Variants in GALNT13 observed in about 807,000 individuals in gnomAD.
The protein encoded by GALNT13 is polypeptide N-acetylgalactosaminyltransferase 13.
Under a neutral mutation model 64.2 loss-of-function variants are expected in GALNT13, and 28 were observed. That is an observed-to-expected ratio of 0.44 (90% CI 0.32 to 0.60). The LOEUF (loss-of-function observed/expected upper bound fraction) is 0.60. Among genes scored for constraint, GALNT13 ranks in the 20% least tolerant of loss-of-function variants. The pLI, the probability that GALNT13 is intolerant of heterozygous loss-of-function variation, is 0.05. For synonymous variants in GALNT13, 214 were observed against 224.6 expected, an observed-to-expected ratio of 0.95 and a Z score of 0.42; for missense variants, 577 against 669.8, an observed-to-expected ratio of 0.86 and a Z score of 1.53.
the GALNT13 span, among the ~76,000 whole-genome samples, chr2:153,106,656 C>A: frequency 1.3e-5 from 2 of 151,930 alleles, no homozygotes; most frequent in African/African-American, 4.8e-5. Flanking sequence ...TGATGTATGC[C>A]CAAATATTTG....
At chr2:153,940,766 C>T (rs1691287150) in intron 2 of GALNT13, among the ~76,000 whole-genome samples, 1 of 152,114 alleles carries the variant, frequency 6.6e-6, no homozygotes, top group Non-Finnish European at 1.5e-5. Flanking sequence ...GGAAGCATTA[C>T]CAGCAGCCTT....
At chr2:153,509,829 A>G in the GALNT13 span, among the ~76,000 whole-genome samples, 1 of 152,238 alleles carries the variant, frequency 6.6e-6, no homozygotes, top group Non-Finnish European at 1.5e-5. Context: ...AGGGGATTAT[A>G]AAGTTTTTCA....
chr2:153,179,308 A>G, the GALNT13 span, among the ~76,000 whole-genome samples: 1 of 152,186 alleles, frequency 6.6e-6, no homozygotes, highest in African/African-American at 2.4e-5. Flanking sequence ...TCACAACATA[A>G]AAGGCACATT....
At chr2:153,486,727 A>T in the GALNT13 span, among the ~76,000 whole-genome samples, 1 of 152,156 alleles carries the variant, frequency 6.6e-6, no homozygotes, top group African/African-American at 2.4e-5. Context: ...GATACATCAT[A>T]GACCTATAGC....
At chr2:154,306,351 C>T (rs1693731778) in intron 9 of GALNT13, among the ~76,000 whole-genome samples, 1 of 151,904 alleles carries the variant, frequency 6.6e-6, no homozygotes, top group African/African-American at 2.4e-5. Flanking sequence ...CTCCCTATGT[C>T]CATGTGTTCT....
chr2:154,109,852 G>T (rs1702835202), intron 3 of GALNT13, among the ~76,000 whole-genome samples: 1 of 151,962 alleles, frequency 6.6e-6, no homozygotes, highest in African/African-American at 2.4e-5. Context: ...TTAGTAAGTT[G>T]TTGATTTGGT....
intron 3 of GALNT13, among the ~76,000 whole-genome samples, chr2:154,049,435 C>T (rs911839995): frequency 1.4e-5 from 2 of 141,954 alleles, no homozygotes; most frequent in African/African-American, 5.1e-5. Context: ...GGTATATATA[C>T]TATTCATTGT....
At chr2:153,401,599 T>C in the GALNT13 span, among the ~76,000 whole-genome samples, 1 of 151,234 alleles carries the variant, frequency 6.6e-6, no homozygotes, top group Non-Finnish European at 1.5e-5. Context: ...GCTTTATGAA[T>C]CTGGGTGCCC....
chr2:153,158,770 T>A, the GALNT13 span, among the ~76,000 whole-genome samples: 2 of 152,222 alleles, frequency 1.3e-5, no homozygotes, highest in African/African-American at 4.8e-5. Flanking sequence ...CAGGCCAAGG[T>A]AGCATTTGAA....
At chr2:153,197,925 G>A in the GALNT13 span, among the ~76,000 whole-genome samples, 368 of 152,296 alleles carry the variant, frequency 2.4e-3, 3 homozygotes, top group African/African-American at 8.6e-3. Flanking sequence ...GGGGTTTCAG[G>A]CTCTTCGGAG....
chr2:153,392,292 T>G, the GALNT13 span, among the ~76,000 whole-genome samples: 1 of 151,570 alleles, frequency 6.6e-6, no homozygotes, highest in Non-Finnish European at 1.5e-5. Flanking sequence ...GTGCTTAAAT[T>G]TACCGTCTTC....
rs868521640 is a variant in GALNT13 at position 153,956,859 on chromosome 2, C to A, written c.142+12220C>A. Among the ~76,000 whole-genome samples the A allele has an allele frequency of 2.0e-5, 3 of 152,234 alleles. 1 individual carries two copies. In the South Asian group the frequency reaches 6.2e-4, roughly 32 times the overall value. On this transcript the variant is annotated intron_variant, in intron 3 of 12. Coordinates refer to ENST00000392825, the MANE Select transcript of GALNT13 (RefSeq NM_052917.4). ...TTAAGACGTTAAACCACATAATACGCTCACTATTTAAGCATCTATTCCATT... is the reference window on the plus strand; with the variant it reads ...TTAAGACGTTAAACCACATAATACGATCACTATTTAAGCATCTATTCCATT...
At chr2:153,398,672 A>G in the GALNT13 span, among the ~76,000 whole-genome samples, 13 of 152,296 alleles carry the variant, frequency 8.5e-5, no homozygotes, top group East Asian at 1.9e-4. Flanking sequence ...TCTGAAGGCC[A>G]GTGATGATGA....
the GALNT13 span, among the ~76,000 whole-genome samples, chr2:153,678,406 T>A: frequency 6.6e-6 from 1 of 152,002 alleles, no homozygotes; most frequent in African/African-American, 2.4e-5. Flanking sequence ...AGGCCATTAT[T>A]GTAAGTGAAT....
the GALNT13 span, among the ~76,000 whole-genome samples, chr2:153,377,560 C>T: frequency 7.9e-5 from 12 of 152,198 alleles, no homozygotes; most frequent in Non-Finnish European, 1.6e-4. Context: ...CCTCTGTGCT[C>T]TCTTGCCATG....
At chr2:153,484,147 C>T in the GALNT13 span, among the ~76,000 whole-genome samples, 8 of 152,054 alleles carry the variant, frequency 5.3e-5, no homozygotes, top group African/African-American at 1.9e-4. Context: ...AAATGTATTA[C>T]TCTCATAGCT....
At chr2:154,230,728 C>A (rs1688869930) in intron 4 of GALNT13, among the ~76,000 whole-genome samples, 2 of 151,940 alleles carry the variant, frequency 1.3e-5, no homozygotes, top group African/African-American at 4.8e-5. Context: ...CTGTTAAAGT[C>A]CAGATGAGGT....
chr2:153,331,963 A>G, the GALNT13 span, among the ~76,000 whole-genome samples: 9 of 152,318 alleles, frequency 5.9e-5, no homozygotes, highest in South Asian at 1.4e-3. Context: ...TTGTGTGCAT[A>G]GAAGTGCTCA....
the GALNT13 span, among the ~76,000 whole-genome samples, chr2:153,331,041 G>T: frequency 2.0e-5 from 3 of 151,998 alleles, no homozygotes; most frequent in Admixed American, 2.0e-4. Flanking sequence ...TGATAATATG[G>T]CTTTGGTTTT....
Sources: allele counts gnomAD v4.1 joint callset (sites outside exome capture counted in the v4.1 genomes callset), GRCh38; gene constraint gnomAD v4.1.1; transcripts MANE v1.5; gene names NCBI Gene and HGNC (gene_info 2026-07-23, HGNC 2026-07-21).